The following PRRC2B variants were observed in gnomAD, a reference collection of about 807,000 sequenced individuals.
PRRC2B encodes protein PRRC2B.
In PRRC2B, 68 loss-of-function variants were observed where a neutral mutation model predicts 242.3. The observed-to-expected ratio is 0.28, with a 90% CI of 0.23 to 0.34. The LOEUF (loss-of-function observed/expected upper bound fraction) is 0.34. Among genes scored for constraint, PRRC2B ranks in the 10% least tolerant of loss-of-function variants. The pLI, the probability that PRRC2B is intolerant of heterozygous loss-of-function variation, is 1.00. For missense variants in PRRC2B, 2,835 were observed against 2,954.8 expected (o/e 0.96, Z 0.94); for synonymous variants, 1,228 against 1,173.6 (o/e 1.05, Z -0.95).
chr9:131,436,600 A>AT lies in PRRC2B; in HGVS notation c.294-20_294-19insT, dbSNP rs1292969510. The AT allele has an allele frequency of 6.2e-7, 1 of 1,606,292 alleles. No homozygotes were observed. Among genetic ancestry groups the AT allele is most frequent in the Admixed American group, 1.7e-5 (1 of 59,698 alleles). ...CGCACTCTGTGCGGTGCCTGACCCCACTGCCCTGCCTTTGTCTAGTTCCAG... is the reference window on the plus strand; with the variant it reads ...CGCACTCTGTGCGGTGCCTGACCCCATCTGCCCTGCCTTTGTCTAGTTCCAG... On this transcript the variant is annotated intron_variant, in intron 3 of 31. Transcript: ENST00000683519.
intron 1 of PRRC2B, among the ~76,000 whole-genome samples, chr9:131,380,395 T>A (rs1279979163): frequency 1.3e-5 from 2 of 152,098 alleles, no homozygotes; most frequent in Middle Eastern, 3.4e-3. Context: ...CTGGGCAACA[T>A]GGTGAAACCT....
At chr9:131,405,266 G>T (rs1166481224) in intron 1 of PRRC2B, among the ~76,000 whole-genome samples, 1 of 152,162 alleles carries the variant, frequency 6.6e-6, no homozygotes. Flanking sequence ...GGAGCTGGAA[G>T]GAGGCGATAG....
chr9:131,488,228 C>T (rs1944081778), intron 28 of PRRC2B, 132 bp downstream of exon 28: 2 of 1,268,578 alleles, frequency 1.6e-6, no homozygotes, highest in South Asian at 3.1e-5. Flanking sequence ...GCCCATTCCT[C>T]AGCGTGCAGG....
At chr9:131,441,647 C>T (rs890436008) in intron 5 of PRRC2B, among the ~76,000 whole-genome samples, 1 of 152,234 alleles carries the variant, frequency 6.6e-6, no homozygotes, top group African/African-American at 2.4e-5. Flanking sequence ...CCCTCTCGTG[C>T]TAGAGTCATG....
intron 1 of PRRC2B, 70 bp downstream of exon 1, chr9:131,394,333 G>C (rs1315483835): frequency 1.4e-5 from 2 of 146,576 alleles, no homozygotes; most frequent in Non-Finnish European, 3.0e-5. Flanking sequence ...GCGCGGCCCG[G>C]CCGGGCTTTG....
chr9:131,428,246 G>A (rs2131319742), intron 1 of PRRC2B, among the ~76,000 whole-genome samples: 1 of 151,062 alleles, frequency 6.6e-6, no homozygotes, highest in African/African-American at 2.4e-5. Flanking sequence ...TAAGAGATAG[G>A]ATCTTGCTCT....
rs369955852 is a variant in PRRC2B, at chr9:131,432,667, C to T, written c.166C>T (p.Arg56Cys). Reference sequence around the variant, plus strand: ...TCTTGGGAAAGTTGCTGCAGCCCGGCGCATGCCACCGCCTGCAAACCTGCC... The same window carrying T: ...TCTTGGGAAAGTTGCTGCAGCCCGGTGCATGCCACCGCCTGCAAACCTGCC... Reference protein sequence around the residue: ...QSLGKVAAARRMPPPANLPSL... With the variant: ...QSLGKVAAARCMPPPANLPSL... The change falls in exon 3 of 32, where the codon CGC becomes TGC. Residue 56 changes from arginine to cysteine, a missense_variant. By Grantham distance (180) the Arg-to-Cys change is radical. This residue lies in a region of PRRC2B where 626 missense variants were observed against 685.5 expected (regional missense o/e 0.91). Transcript: ENST00000683519. The T allele has an allele frequency of 1.1e-5, 18 of 1,613,888 alleles. No individual in the cohort carries two copies. Among genetic ancestry groups the T allele is most frequent in the Non-Finnish European group, 1.4e-5 (17 of 1,179,890 alleles).
chr9:131,432,357 G>GTCCTGCCCATCA (rs921114334), intron 2 of PRRC2B, among the ~76,000 whole-genome samples: 19 of 152,240 alleles, frequency 1.2e-4, no homozygotes, highest in Admixed American at 1.2e-3. Context: ...TGCGAGCCTT[G>GTCCTGCCCATCA]TCCTGCCCAT....
At chr9:131,398,121 G>T (rs1162286633) in intron 1 of PRRC2B, among the ~76,000 whole-genome samples, 2 of 152,216 alleles carry the variant, frequency 1.3e-5, no homozygotes, top group Non-Finnish European at 2.9e-5. Flanking sequence ...AGAATTGTTT[G>T]TCATTAGCTT....
In PRRC2B at chr9:131,483,005, T is replaced by A. The variant is rs1057352160; in HGVS notation, c.5373+98T>A. ...AGATGGGATTGTCTCCTAGAAGGAA[T>A]AGAAGGATGGGAGCCAAGCAGTCTT... On this transcript the variant is annotated intron_variant, in intron 22 of 31. Transcript: ENST00000683519. 11 of 1,388,658 alleles carry A rather than the reference T, an allele frequency of 7.9e-6. No homozygotes were observed. The African/African-American group carries it at 1.6e-4, about 20-fold the overall frequency. 86.0% of individuals were successfully genotyped at this position (1,388,658 alleles called of 1,614,324 possible). A position where few individuals can be genotyped will look rare whatever the true frequency, so the allele number is the denominator to read the frequency against.
At chr9:131,477,702 C>T (rs1181668413) in intron 16 of PRRC2B, 42 bp from the exon 17 acceptor site, 3 of 1,308,940 alleles carry the variant, frequency 2.3e-6, no homozygotes. Flanking sequence ...TGTTTTCCCT[C>T]CTTCCCCAGC....
chr9:131,452,347 CTT>C, intron 9 of PRRC2B, among the ~76,000 whole-genome samples: 1 of 152,048 alleles, frequency 6.6e-6, no homozygotes, highest in East Asian at 1.9e-4. Context: ...AATTTTGCCC[CTT>C]CAGTTTTCAT....
In PRRC2B at chr9:131,492,159, G is replaced by A. The variant is rs1944213736; in HGVS notation, c.6382-10G>A. ...TCAAATGACAGCTTGTTCCTGCTTG[G>A]TCTCTCTAGCCCTCTCAGATGGAGA... is the stretch of plus-strand genomic sequence containing the variant. On this transcript the variant is annotated splice_polypyrimidine_tract_variant and intron_variant, in intron 29 of 31. Coordinates refer to ENST00000683519, the MANE Select transcript of PRRC2B (RefSeq NM_013318.4). 6.2e-7 allele frequency: 1 copy of A among 1,611,168 alleles called. No homozygotes were observed. The highest frequency in any genetic ancestry group is 2.2e-5 in the East Asian group (1 of 44,866).
In PRRC2B at chr9:131,495,743, A is replaced by G; in HGVS notation, c.6559A>G (p.Lys2187Glu). ...SVQGHYVQQA[K>E]QRVDEKPSLG... Reference sequence around the variant, plus strand: ...TTTCCCATTCATCTGTCCAAAGGCAAAACAACGAGTGGATGAGAAACCCAG... The same window carrying G: ...TTTCCCATTCATCTGTCCAAAGGCAGAACAACGAGTGGATGAGAAACCCAG... Residue 2187 changes from lysine (K) to glutamate (E), a missense_variant, in exon 32 of 32, where the codon AAA becomes GAA. By Grantham distance (56) the Lys-to-Glu change is moderately conservative. Around this residue, in one of 7 missense-constraint regions of PRRC2B, gnomAD observed 574 missense variants for 626.0 expected, o/e 0.92. Transcript: ENST00000683519. The G allele has an allele frequency of 1.2e-6, 2 of 1,609,842 alleles. No homozygotes were observed. Among genetic ancestry groups the G allele is most frequent in the South Asian group, 1.1e-5 (1 of 91,016 alleles).
chr9:131,485,105 C>T lies in PRRC2B; in HGVS notation c.5723C>T (p.Pro1908Leu). Residue 1908 changes from proline (P) to leucine (L), a missense_variant, in exon 25 of 32, where the codon CCT (proline) becomes CTT (leucine). Around this residue, in one of 7 missense-constraint regions of PRRC2B, gnomAD observed 574 missense variants for 626.0 expected, o/e 0.92. Transcript: ENST00000683519. ...GGTGGAGTGTCCATGCCACCCATGC[C>T]TGTGGCCTCTGTAGCACCTTCTGCT... Reference protein sequence around the residue: ...SFGGVSMPPMPVASVAPSASM... With the variant: ...SFGGVSMPPMLVASVAPSASM... 1.3e-6 allele frequency: 2 copies of T among 1,599,512 alleles called. No homozygotes were observed. Among genetic ancestry groups the T allele is most frequent in the Non-Finnish European group, 1.7e-6 (2 of 1,172,422 alleles).
chr9:131,480,043 C>T (rs1275527284), intron 19 of PRRC2B, among the ~76,000 whole-genome samples: 1 of 152,074 alleles, frequency 6.6e-6, no homozygotes, highest in Non-Finnish European at 1.5e-5. Flanking sequence ...GCGCTGTTAG[C>T]CCAGAGCATG....
chr9:131,397,964 A>T (rs1837115024), intron 1 of PRRC2B, among the ~76,000 whole-genome samples: 1 of 152,174 alleles, frequency 6.6e-6, no homozygotes, highest in African/African-American at 2.4e-5. Context: ...TCAGATCATA[A>T]CTTGATCTCT....
chr9:131,470,957 T>G lies in PRRC2B; in HGVS notation c.2081T>G (p.Phe694Cys), dbSNP rs1346063052. The change falls in exon 14 of 32, where the codon TTC (phenylalanine) becomes TGC (cysteine). Residue 694 changes from phenylalanine (F) to cysteine (C), a missense_variant. Physicochemically the swap from Phe to Cys is radical, Grantham distance 205. Coordinates refer to ENST00000683519, the MANE Select transcript of PRRC2B (RefSeq NM_013318.4). ...RITPTRTPVD[F>C]YPSALHPSGL... is the part of the protein sequence containing the mutation. ...ACGCCCACTCGGACCCCGGTGGACT[T>G]CTACCCCTCCGCCCTGCATCCCTCA... The G allele has an allele frequency of 1.2e-6, 2 of 1,612,410 alleles. No homozygotes were observed. Among genetic ancestry groups the G allele is most frequent in the Non-Finnish European group, 1.7e-6 (2 of 1,179,126 alleles).
intron 10 of PRRC2B, among the ~76,000 whole-genome samples, chr9:131,457,929 TG>T: frequency 6.6e-6 from 1 of 152,126 alleles, no homozygotes; most frequent in Non-Finnish European, 1.5e-5. Context: ...CGTACGTGTG[TG>T]GGTAGACACA....
Sources: gnomAD v4.1 joint callset for allele counts (sites outside exome capture counted in the v4.1 genomes callset) on GRCh38, gnomAD v4.1.1 for gene constraint, gnomAD v4.1.1 regional missense constraint, MANE v1.5 for transcripts, NCBI Gene and HGNC (gene_info 2026-07-23, HGNC 2026-07-21) for gene names.